The following DLC1 variants were observed in gnomAD, a reference collection of about 807,000 sequenced individuals.
The protein encoded by DLC1 is DLC1 Rho GTPase activating protein.
Under a neutral mutation model 140.3 loss-of-function variants are expected in DLC1, and 54 were observed. That is an observed-to-expected ratio of 0.38 (90% CI 0.31 to 0.48). The LOEUF (loss-of-function observed/expected upper bound fraction) is 0.48. DLC1 is among the 20% of genes least tolerant of loss of function. The pLI is 0.96. For missense variants in DLC1, 2,536 were observed against 1,907.0 expected (o/e 1.33, Z -6.14); for synonymous variants, 986 against 728.1 (o/e 1.35, Z -5.70).
chr8:13,261,781 G>C (rs527842309), intron 5 of DLC1, among the ~76,000 whole-genome samples: 57 of 152,270 alleles, frequency 3.7e-4, no homozygotes, highest in African/African-American at 1.3e-3. Flanking sequence ...GACAAGTTTT[G>C]TTGGAAAGAC....
chr8:13,126,013 G>C (rs535026414), intron 5 of DLC1, among the ~76,000 whole-genome samples: 2 of 152,008 alleles, frequency 1.3e-5, no homozygotes, highest in East Asian at 1.9e-4. Context: ...TCTAGTACAA[G>C]AGTTTGCAAA....
At chr8:13,276,293 A>T in intron 5 of DLC1, 1 of 1,535,352 alleles carries the variant, frequency 6.5e-7, no homozygotes, top group Non-Finnish European at 8.7e-7. Context: ...TGTTTTTCCA[A>T]ATGACATCCA....
At chr8:13,355,307 G>A (rs1053371203) in intron 4 of DLC1, among the ~76,000 whole-genome samples, 3 of 152,074 alleles carry the variant, frequency 2.0e-5, no homozygotes, top group South Asian at 2.1e-4. Flanking sequence ...CCAATATAAC[G>A]AAACCCCATT....
chr8:13,088,815 T>G, intron 15 of DLC1, 111 bp from the exon 16 acceptor site: 1 of 786,628 alleles, frequency 1.3e-6, no homozygotes, highest in Non-Finnish European at 2.0e-6. Context: ...CAACGTTAAT[T>G]GATTAAATGA....
At chr8:13,541,513 A>C (rs1803482864) in intron 1 of DLC1, among the ~76,000 whole-genome samples, 1 of 152,048 alleles carries the variant, frequency 6.6e-6, no homozygotes, top group Admixed American at 6.6e-5. Context: ...TTGTGGTTTT[A>C]ATTTTCATTT....
chr8:13,105,170 C>T (rs1303453785), intron 7 of DLC1, among the ~76,000 whole-genome samples: 2 of 152,096 alleles, frequency 1.3e-5, no homozygotes, highest in Non-Finnish European at 2.9e-5. Flanking sequence ...ACTAAAAAGA[C>T]CCAGGAGGCC....
chr8:13,343,379 G>A (rs1270724637), intron 4 of DLC1, among the ~76,000 whole-genome samples: 1 of 152,058 alleles, frequency 6.6e-6, no homozygotes, highest in Non-Finnish European at 1.5e-5. Flanking sequence ...TGTGCAGTGT[G>A]GTGTCCTCAA....
At position 13,214,307 on chromosome 8, in the gene DLC1, C is replaced by G. The variant is rs993899982; in HGVS notation, c.1348+90962G>C. On this transcript the variant is annotated intron_variant, in intron 5 of 17. Transcript: ENST00000276297. ...AACCAGGGAGGGCATCCGTAAATGA[C>G]CAATTTAGCATCCTTACATTGTTTC... 8 of 231,284 alleles carry G rather than the reference C, an allele frequency of 3.5e-5. No homozygotes were observed. In the East Asian group the frequency reaches 6.8e-4, roughly 20 times the overall value. The allele number at this position is 231,284 out of a possible 1,614,324, so 14.3% of individuals were successfully genotyped here.
intron 1 of DLC1, among the ~76,000 whole-genome samples, chr8:13,596,253 A>G (rs947351244): frequency 1.3e-5 from 2 of 151,982 alleles, no homozygotes; most frequent in Middle Eastern, 3.2e-3. Context: ...ATGGCTTTCC[A>G]TTTTATTATT....
chr8:13,285,570 G>A (rs544910388), intron 5 of DLC1, among the ~76,000 whole-genome samples: 12 of 152,206 alleles, frequency 7.9e-5, no homozygotes, highest in Admixed American at 4.6e-4. Flanking sequence ...GATGCCCAAC[G>A]TCATAAGTCA....
intron 2 of DLC1, among the ~76,000 whole-genome samples, chr8:13,493,354 G>A (rs562380799): frequency 1.4e-4 from 22 of 152,138 alleles, no homozygotes; most frequent in African/African-American, 5.1e-4. Flanking sequence ...TTAGTCTGGA[G>A]GCTTGGCTTA....
At chr8:13,203,767 C>G (rs946784591) in intron 5 of DLC1, among the ~76,000 whole-genome samples, 2 of 152,100 alleles carry the variant, frequency 1.3e-5, no homozygotes, top group Non-Finnish European at 1.5e-5. Context: ...TGATATGATT[C>G]TTGTCTTTTA....
At chr8:13,596,110 A>C (rs776377866) in intron 1 of DLC1, among the ~76,000 whole-genome samples, 7 of 152,064 alleles carry the variant, frequency 4.6e-5, no homozygotes, top group Non-Finnish European at 1.0e-4. Flanking sequence ...TGAAAATGAT[A>C]AGAGTGATGT....
intron 1 of DLC1, among the ~76,000 whole-genome samples, chr8:13,510,004 A>ATGATGG (rs1431755075): frequency 6.6e-6 from 1 of 152,106 alleles, no homozygotes; most frequent in South Asian, 2.1e-4. Context: ...CTTGATCATG[A>ATGATGG]TGATGGTGAT....
At chr8:13,124,688 T>C (rs1438630297) in intron 5 of DLC1, among the ~76,000 whole-genome samples, 3 of 152,234 alleles carry the variant, frequency 2.0e-5, no homozygotes, top group Non-Finnish European at 4.4e-5. Flanking sequence ...TCTGGCCCTG[T>C]TGCTTCATCT....
chr8:13,332,041 C>T (rs1462854586), intron 4 of DLC1, among the ~76,000 whole-genome samples: 1 of 152,114 alleles, frequency 6.6e-6, no homozygotes, highest in East Asian at 1.9e-4. Flanking sequence ...TATTTTTAAA[C>T]TGATAAATTA....
intron 1 of DLC1, among the ~76,000 whole-genome samples, chr8:13,501,043 C>T (rs1801788555): frequency 6.6e-6 from 1 of 152,198 alleles, no homozygotes; most frequent in African/African-American, 2.4e-5. Context: ...ACCTTCATCC[C>T]TTCTTCCCAC....
intron 2 of DLC1, among the ~76,000 whole-genome samples, chr8:13,417,437 T>C (rs1838119934): frequency 7.0e-6 from 1 of 142,138 alleles, no homozygotes; most frequent in Non-Finnish European, 1.5e-5. Context: ...TCAATTCCCA[T>C]CTATGAGTGA....
rs540175384 is a variant in DLC1 at position 13,248,122 on chromosome 8, T to A, written c.1348+57147A>T. On this transcript the variant is annotated intron_variant, in intron 5 of 17. Coordinates refer to ENST00000276297, the MANE Select transcript of DLC1 (RefSeq NM_182643.3). Reference sequence around the variant, plus strand: ...GCTTTTGCACAGGGAAGCTGCCCAGTTGTTAAATGAACCACTTCCTTGTGA... The same window carrying A: ...GCTTTTGCACAGGGAAGCTGCCCAGATGTTAAATGAACCACTTCCTTGTGA... Among the ~76,000 whole-genome samples the A allele has an allele frequency of 1.4e-4, 21 of 152,324 alleles. No individual in the cohort carries two copies. The East Asian group carries it at 2.3e-3, about 17-fold the overall frequency.
Sources: allele counts gnomAD v4.1 joint callset (sites outside exome capture counted in the v4.1 genomes callset), GRCh38; gene constraint gnomAD v4.1.1; transcripts MANE v1.5; gene names NCBI Gene and HGNC (gene_info 2026-07-23, HGNC 2026-07-21).